Variants in PARN observed in about 807,000 individuals in gnomAD.
PARN encodes poly(A)-specific ribonuclease.
In PARN, 71 loss-of-function variants were observed where a neutral mutation model predicts 102.8. That is an observed-to-expected ratio of 0.69 (90% CI 0.57 to 0.84). The LOEUF (loss-of-function observed/expected upper bound fraction) is 0.84, where lower values mean the gene tolerates loss of function less well. PARN is among the 40% of genes least tolerant of loss of function. The probability of loss-of-function intolerance (pLI) is 0.00; values close to 1 mark genes in which losing one functional copy is unlikely to be tolerated. For synonymous variants in PARN, 261 were observed against 252.9 expected (o/e 1.03, Z -0.30); for missense variants, 782 against 760.9 (o/e 1.03, Z -0.33).
chr16:14,630,010 C>A, intron 1 of PARN, 97 bp downstream of exon 1: 1 of 1,154,636 alleles, frequency 8.7e-7, no homozygotes. Context: ...GCTGCCTCAG[C>A]CCCAGGCCCA....
chr16:14,556,981 A>G (rs1202789419), intron 18 of PARN, among the ~76,000 whole-genome samples: 1 of 152,238 alleles, frequency 6.6e-6, no homozygotes, highest in Admixed American at 6.5e-5. Flanking sequence ...TTTTATGTTT[A>G]TCTTCCAAAA....
chr16:14,537,805 G>A (rs559193903), intron 21 of PARN, among the ~76,000 whole-genome samples: 2 of 152,202 alleles, frequency 1.3e-5, no homozygotes, highest in South Asian at 4.2e-4. Flanking sequence ...ATAGAGAGAC[G>A]CTGGTTAATG....
chr16:14,625,243 G>T (rs532401714), intron 5 of PARN, among the ~76,000 whole-genome samples: 29 of 151,040 alleles, frequency 1.9e-4, no homozygotes, highest in Non-Finnish European at 3.8e-4. Context: ...CGGGTGCGGT[G>T]GCTCAGCACT....
At chr16:14,517,096 C>G (rs936469019) in intron 21 of PARN, among the ~76,000 whole-genome samples, 1 of 152,128 alleles carries the variant, frequency 6.6e-6, no homozygotes. Flanking sequence ...TACTGTATAA[C>G]GTTATTTGTG....
chr16:14,608,166 G>T, intron 9 of PARN, 115 bp downstream of exon 9: 1 of 751,990 alleles, frequency 1.3e-6, no homozygotes, highest in Non-Finnish European at 2.2e-6. Context: ...ACTTCATGTA[G>T]TCAAATCACT....
chr16:14,494,003 T>A (rs1194945118), intron 21 of PARN, among the ~76,000 whole-genome samples: 1 of 152,218 alleles, frequency 6.6e-6, no homozygotes, highest in Non-Finnish European at 1.5e-5. Flanking sequence ...AATCTGTGTT[T>A]GAACTGCATG....
intron 21 of PARN, among the ~76,000 whole-genome samples, chr16:14,548,441 C>T (rs1003130387): frequency 6.6e-6 from 1 of 152,118 alleles, no homozygotes; most frequent in African/African-American, 2.4e-5. Context: ...TTCCAAGTCA[C>T]AATACTATGA....
At chr16:14,471,236 T>A (rs1358448441) in intron 22 of PARN, among the ~76,000 whole-genome samples, 3 of 152,172 alleles carry the variant, frequency 2.0e-5, no homozygotes, top group Non-Finnish European at 2.9e-5. Flanking sequence ...TTACAGCCCA[T>A]ACAACAGGTG....
chr16:14,552,498 ACAGAGTCT>A (rs900502740), intron 20 of PARN, among the ~76,000 whole-genome samples: 2 of 152,092 alleles, frequency 1.3e-5, no homozygotes, highest in African/African-American at 4.8e-5. Flanking sequence ...TATTTTTGAG[ACAGAGTCT>A]CACTCTGTTG....
chr16:14,534,507 T>C (rs538026818), intron 21 of PARN, among the ~76,000 whole-genome samples: 2 of 152,240 alleles, frequency 1.3e-5, no homozygotes, highest in South Asian at 2.1e-4. Flanking sequence ...TAATAGACAA[T>C]TATTTAAATT....
At position 14,436,486 on chromosome 16, in the gene PARN, G is replaced by A; in HGVS notation, c.*231C>T. On this transcript the variant is annotated 3_prime_UTR_variant, in exon 24 of 24. Coordinates refer to ENST00000437198, the MANE Select transcript of PARN (RefSeq NM_002582.4). ...ACTGGTTAAGCACGTACACATTCAT[G>A]ACAGCCTACAACCGTGATGAGTGTC... 1 of 578,806 alleles carries A rather than the reference G, an allele frequency of 1.7e-6. No individual in the cohort carries two copies. The highest frequency in any genetic ancestry group is 3.1e-6 in the Non-Finnish European group (1 of 325,696). 35.9% of individuals were successfully genotyped at this position (578,806 alleles called of 1,614,324 possible).
chr16:14,560,079 G>A (rs939241645), intron 18 of PARN, among the ~76,000 whole-genome samples: 28 of 152,306 alleles, frequency 1.8e-4, no homozygotes, highest in African/African-American at 6.5e-4. Flanking sequence ...CATCCCAGCT[G>A]GCTGTCAAAT....
intron 22 of PARN, among the ~76,000 whole-genome samples, chr16:14,467,064 T>C (rs1962406393): frequency 6.6e-6 from 1 of 152,074 alleles, no homozygotes; most frequent in African/African-American, 2.4e-5. Flanking sequence ...TGCAGGCAAA[T>C]GACCAGAAAT....
rs76769195 is a variant in PARN at position 14,620,420 on chromosome 16, T to C, written c.328-2770A>G. On this transcript the variant is annotated intron_variant, in intron 5 of 23. Coordinates refer to ENST00000437198, the MANE Select transcript of PARN (RefSeq NM_002582.4). Reference sequence around the variant, plus strand: ...ACACTGTATTAAGTGAACAATACTATAGATGAAACACAAGCACGGCAAAAT... The same window carrying C: ...ACACTGTATTAAGTGAACAATACTACAGATGAAACACAAGCACGGCAAAAT... 9.4e-4 allele frequency among the ~76,000 whole-genome samples: 143 copies of C among 152,270 alleles called. 2 individuals are homozygous for C. In the East Asian group the frequency reaches 0.018, roughly 19 times the overall value.
intron 21 of PARN, among the ~76,000 whole-genome samples, chr16:14,498,653 C>T (rs1016178906): frequency 6.6e-6 from 1 of 152,062 alleles, no homozygotes; most frequent in South Asian, 2.1e-4. Flanking sequence ...CTTCATGGAG[C>T]CCTGTGCCTG....
At chr16:14,593,402 A>C (rs774632915) in intron 12 of PARN, 24 bp from the exon 13 acceptor site, 3 of 1,295,882 alleles carry the variant, frequency 2.3e-6, no homozygotes, top group Non-Finnish European at 3.4e-6. Context: ...AGGTTAGAAA[A>C]AAGACTTCTA....
intron 20 of PARN, 48 bp from the exon 21 acceptor site, chr16:14,552,143 G>A: frequency 8.4e-7 from 1 of 1,184,132 alleles, no homozygotes; most frequent in Non-Finnish European, 1.3e-6. Flanking sequence ...CATGTGGAGA[G>A]CTATTAGATT....
chr16:14,624,466 T>C (rs772010056), intron 5 of PARN, among the ~76,000 whole-genome samples: 1 of 152,236 alleles, frequency 6.6e-6, no homozygotes, highest in South Asian at 2.1e-4. Context: ...CTGGGCTATC[T>C]TCAAGTCTAT....
intron 21 of PARN, among the ~76,000 whole-genome samples, chr16:14,509,199 A>G (rs1417796835): frequency 6.6e-6 from 1 of 152,142 alleles, no homozygotes; most frequent in Non-Finnish European, 1.5e-5. Flanking sequence ...GTTGCCTAAG[A>G]AAAGTATAAA....
Sources: allele counts gnomAD v4.1 joint callset (sites outside exome capture counted in the v4.1 genomes callset), GRCh38; gene constraint gnomAD v4.1.1; transcripts MANE v1.5; gene names NCBI Gene and HGNC (gene_info 2026-07-23, HGNC 2026-07-21).